The following EPHA6 variants were observed in gnomAD, a reference collection of about 807,000 sequenced individuals.
The protein encoded by EPHA6 is EPH receptor A6.
EPHA6 carries 50 observed loss-of-function variants against 112.0 expected under a neutral mutation model. That is an observed-to-expected ratio of 0.45 (90% confidence interval 0.36 to 0.56). The LOEUF is 0.56. Ranked by LOEUF, EPHA6 falls within the 20% of genes least tolerant of loss-of-function variation. The pLI, the probability that EPHA6 is intolerant of heterozygous loss-of-function variation, is 0.00. For missense variants in EPHA6, 1,280 were observed against 1,417.4 expected, an observed-to-expected ratio of 0.90 and a Z score of 1.56; for synonymous variants, 529 against 490.7, an observed-to-expected ratio of 1.08 and a Z score of -1.03.
intron 1 of EPHA6, among the ~76,000 whole-genome samples, chr3:96,864,639 G>C (rs374004536): frequency 1.3e-5 from 2 of 151,926 alleles, no homozygotes; most frequent in African/African-American, 4.8e-5. Context: ...GGATGTAGGA[G>C]TTTGTCATGA....
At chr3:97,398,748 A>G (rs2086826698) in intron 5 of EPHA6, among the ~76,000 whole-genome samples, 1 of 151,516 alleles carries the variant, frequency 6.6e-6, no homozygotes, top group African/African-American at 2.4e-5. Context: ...TACTAAATAC[A>G]TACTCTTTTT....
intron 5 of EPHA6, among the ~76,000 whole-genome samples, chr3:97,332,750 T>C (rs1226421802): frequency 1.3e-5 from 2 of 152,106 alleles, no homozygotes; most frequent in Non-Finnish European, 2.9e-5. Context: ...TTTTAAACTT[T>C]TGTCAAAAAT....
At chr3:97,012,603 G>GTA (rs1283355610) in intron 3 of EPHA6, among the ~76,000 whole-genome samples, 10 of 140,352 alleles carry the variant, frequency 7.1e-5, no homozygotes, top group Admixed American at 4.3e-4. Context: ...GTGTGTGTGT[G>GTA]TGTGTATATA....
intron 7 of EPHA6, among the ~76,000 whole-genome samples, chr3:97,460,279 A>C (rs1198240030): frequency 6.6e-6 from 1 of 152,244 alleles, no homozygotes; most frequent in Non-Finnish European, 1.5e-5. Flanking sequence ...CTTTGCTCTA[A>C]AAATGTGAAA....
chr3:97,676,334 T>G (rs1021949402), intron 14 of EPHA6, among the ~76,000 whole-genome samples: 1 of 152,052 alleles, frequency 6.6e-6, no homozygotes, highest in African/African-American at 2.4e-5. Context: ...GAAGGAAGTA[T>G]TTCAAAGAGG....
intron 5 of EPHA6, among the ~76,000 whole-genome samples, chr3:97,277,547 G>A (rs2080133869): frequency 1.3e-5 from 2 of 152,124 alleles, no homozygotes; most frequent in Admixed American, 1.3e-4. Flanking sequence ...TCAGAGGCCT[G>A]ACAGATATAG....
intron 6 of EPHA6, among the ~76,000 whole-genome samples, chr3:97,423,115 ACCATGC>A (rs2088813222): frequency 6.6e-6 from 1 of 152,182 alleles, no homozygotes; most frequent in Non-Finnish European, 1.5e-5. Flanking sequence ...GCCTACTCTA[ACCATGC>A]CTATCCAAAA....
intron 3 of EPHA6, among the ~76,000 whole-genome samples, chr3:97,207,306 A>G (rs1345826701): frequency 6.6e-6 from 1 of 152,174 alleles, no homozygotes; most frequent in Admixed American, 6.5e-5. Context: ...TGAACACCTA[A>G]TATTTGCAAA....
At chr3:97,076,043 G>A (rs1185742743) in intron 3 of EPHA6, among the ~76,000 whole-genome samples, 1 of 151,912 alleles carries the variant, frequency 6.6e-6, no homozygotes, top group Non-Finnish European at 1.5e-5. Flanking sequence ...ATTGAAATTA[G>A]GCCAATTAAT....
intron 2 of EPHA6, among the ~76,000 whole-genome samples, chr3:96,900,429 T>A (rs900455343): frequency 6.6e-6 from 1 of 152,232 alleles, no homozygotes; most frequent in Non-Finnish European, 1.5e-5. Flanking sequence ...TAAACATTAT[T>A]CTTGCATACA....
rs965903397 is a variant in EPHA6, at chr3:97,754,994, C to A, written c.*6293C>A. Among the ~76,000 whole-genome samples, 6 of 152,200 alleles carry A rather than the reference C, an allele frequency of 3.9e-5. No individual in the cohort carries two copies. The highest frequency in any genetic ancestry group is 3.9e-4 in the Admixed American group (6 of 15,272). On this transcript the variant is annotated 3_prime_UTR_variant, in exon 18 of 18. Transcript: ENST00000389672. ...GTGGGATTACAGGCGTGAGCCACCG[C>A]GCCCGGCCACAAAGTTTTCTTTTAA... is the stretch of plus-strand genomic sequence containing the variant.
At chr3:97,448,438 G>A (rs998233721) in intron 6 of EPHA6, 130 bp from the exon 7 acceptor site, 12 of 942,552 alleles carry the variant, frequency 1.3e-5, no homozygotes, top group Admixed American at 7.8e-5. Context: ...GGAAAACCAT[G>A]CTAACACTAC....
chr3:96,892,797 C>A (rs745328580), intron 2 of EPHA6, among the ~76,000 whole-genome samples: 7 of 151,776 alleles, frequency 4.6e-5, no homozygotes, highest in Non-Finnish European at 1.0e-4. Flanking sequence ...CCTTGAATTT[C>A]TTAACAAGTC....
chr3:97,508,800 C>T (rs376913441), intron 10 of EPHA6, among the ~76,000 whole-genome samples: 140 of 151,898 alleles, frequency 9.2e-4, no homozygotes, highest in African/African-American at 3.1e-3. Context: ...TAAGTCTCTT[C>T]GTAGGTCTCT....
intron 3 of EPHA6, among the ~76,000 whole-genome samples, chr3:97,094,504 GTGT>G (rs2047178032): frequency 6.6e-6 from 1 of 152,124 alleles, no homozygotes; most frequent in South Asian, 2.1e-4. Flanking sequence ...CTTAAAGATT[GTGT>G]TGTTGCATTA....
intron 2 of EPHA6, among the ~76,000 whole-genome samples, chr3:96,898,358 AC>A (rs1253694784): frequency 1.3e-5 from 2 of 152,196 alleles, no homozygotes; most frequent in Admixed American, 6.5e-5. Context: ...AATGGGGAAA[AC>A]ATAGCGAATA....
At chr3:97,083,642 T>C (rs1179723255) in intron 3 of EPHA6, among the ~76,000 whole-genome samples, 3 of 151,938 alleles carry the variant, frequency 2.0e-5, no homozygotes, top group African/African-American at 7.3e-5. Flanking sequence ...CCCAAGTCTG[T>C]ACTTCTTGTA....
intron 12 of EPHA6, among the ~76,000 whole-genome samples, chr3:97,600,825 A>G (rs551379464): frequency 1.3e-5 from 2 of 151,866 alleles, no homozygotes; most frequent in East Asian, 3.9e-4. Context: ...AAGCTACGTG[A>G]TGCATTTGAT....
rs1415462356 is a variant in EPHA6 at position 96,879,850 on chromosome 3, A to ATT, written c.450+12964_450+12965dup. On this transcript the variant is annotated intron_variant, in intron 2 of 17. Transcript: ENST00000389672. ...AGAGTGCTACCAATTTGTGTACTCG[A>ATT]TTTTGTAACCTGAGACTTTACTGAA... Among the ~76,000 whole-genome samples, 3 of 152,158 alleles carry ATT rather than the reference A, an allele frequency of 2.0e-5. No individual in the cohort carries two copies. In the East Asian group the frequency reaches 5.8e-4, roughly 29 times the overall value.
Sources: gnomAD v4.1 joint callset for allele counts (sites outside exome capture counted in the v4.1 genomes callset) on GRCh38, gnomAD v4.1.1 for gene constraint, MANE v1.5 for transcripts, NCBI Gene and HGNC (gene_info 2026-07-23, HGNC 2026-07-21) for gene names.